Variants in MIA3 observed in about 807,000 individuals in gnomAD.
The protein encoded by MIA3 is MIA SH3 domain ER export factor 3.
In MIA3, 90 loss-of-function variants were observed where a neutral mutation model predicts 192.4. The ratio of observed to expected loss-of-function variants is 0.47; its 90% CI spans 0.39 to 0.56. MIA3 has a LOEUF of 0.56. Among genes scored for constraint, MIA3 ranks in the 20% least tolerant of loss-of-function variants. The pLI is 0.00. For missense variants in MIA3, 2,123 were observed against 2,269.4 expected, an observed-to-expected ratio of 0.94 and a Z score of 1.31; for synonymous variants, 740 against 792.8, an observed-to-expected ratio of 0.93 and a Z score of 1.12.
chr1:222,653,154 C>T lies in MIA3; in HGVS notation c.4209+24C>T, dbSNP rs564053402. On this transcript the variant is annotated intron_variant, in intron 14 of 27. Transcript: ENST00000344922. ...ATGTAAGTGCGTTCATGAATACAAGCTTAATTCTTGTGAATTATCAAATCT... is the reference window on the plus strand; with the variant it reads ...ATGTAAGTGCGTTCATGAATACAAGTTTAATTCTTGTGAATTATCAAATCT... 2.3e-4 allele frequency: 372 copies of T among 1,597,100 alleles called. 4 individuals are homozygous for T. In the South Asian group the frequency reaches 3.2e-3, roughly 14 times the overall value.
Position 222,632,284 on chromosome 1 carries a change from G to C in MIA3, c.3289G>C (p.Glu1097Gln). ...QRVIGDTHASEVSQKPNTEKD... is the reference protein window; with the variant it reads ...QRVIGDTHASQVSQKPNTEKD... ...TGTGATTGGGGACACTCATGCCTCA[G>C]AAGTGTCACAGAAGCCAAATACTGA... is the stretch of plus-strand genomic sequence containing the variant. Residue 1097 changes from glutamate (E) to glutamine (Q), a missense_variant, in exon 5 of 28, where the codon GAA (glutamate) becomes CAA (glutamine). Glu to Gln is a conservative substitution (Grantham distance 29). Coordinates refer to ENST00000344922, the MANE Select transcript of MIA3 (RefSeq NM_198551.4). 6.2e-7 allele frequency: 1 copy of C among 1,614,160 alleles called. No homozygotes were observed. Among genetic ancestry groups the C allele is most frequent in the South Asian group, 1.1e-5 (1 of 91,072 alleles).
At position 222,665,028 on chromosome 1, in the gene MIA3, A is replaced by G. The variant is rs1341735089; in HGVS notation, c.5414-281A>G. 7 of 422,592 alleles carry G rather than the reference A, an allele frequency of 1.7e-5. No individual in the cohort carries two copies. The Admixed American group carries it at 2.2e-4, about 13-fold the overall frequency. The allele number at this position is 422,592 out of a possible 1,614,324, so 26.2% of individuals were successfully genotyped here. On this transcript the variant is annotated intron_variant, in intron 27 of 27. Transcript: ENST00000344922. ...GCCTGGGCAACATGGTGAAACCCCC[A>G]TCTCTACAAAAAATCCAAAAATTAG...
At chr1:222,625,304 C>G (rs996756498) in intron 3 of MIA3, among the ~76,000 whole-genome samples, 5 of 152,250 alleles carry the variant, frequency 3.3e-5, no homozygotes, top group African/African-American at 7.2e-5. Flanking sequence ...TGCGCCCGGC[C>G]AAGGCCGTGT....
Position 222,627,758 on chromosome 1 carries a change from G to A in MIA3, c.538G>A (p.Glu180Lys), listed in dbSNP as rs1380824612. Residue 180 changes from glutamate (E) to lysine (K), a missense_variant, in exon 4 of 28, where the codon GAA becomes AAA. Around this residue, in one of 3 missense-constraint regions of MIA3, gnomAD observed 1,357 missense variants for 1,396.1 expected, o/e 0.97. Transcript: ENST00000344922. ...ATCTAAGGAAAGGGAACCTGAACCT[G>A]AACCAGTAGAAGCCAACTCAGAGGA... is the stretch of plus-strand genomic sequence containing the variant. ...ELSKEREPEP[E>K]PVEANSEESD... 6.2e-7 allele frequency: 1 copy of A among 1,612,782 alleles called. No homozygotes were observed. Among genetic ancestry groups the A allele is most frequent in the African/African-American group, 1.3e-5 (1 of 74,768 alleles).
chr1:222,662,329 C>T lies in MIA3; in HGVS notation c.5259C>T (p.Gly1753=). 6.2e-7 allele frequency: 1 copy of T among 1,613,126 alleles called. No individual in the cohort carries two copies. The highest frequency in any genetic ancestry group is 8.5e-7 in the Non-Finnish European group (1 of 1,179,102). The change falls in exon 26 of 28, where the codon GGC becomes GGT. Residue 1753 remains glycine (G), a synonymous_variant. Transcript: ENST00000344922. Reference sequence around the variant, plus strand: ...CCCCTACCAGGGTACTCGATGAAGGCAAGGTAAATGCACCCATTTTGAATA... The same window carrying T: ...CCCCTACCAGGGTACTCGATGAAGGTAAGGTAAATGCACCCATTTTGAATA... ...GSSPTRVLDE[G]KVNMAPKGPP...
intron 3 of MIA3, 67 bp from the exon 4 acceptor site, chr1:222,627,508 C>A: frequency 7.8e-7 from 1 of 1,281,132 alleles, no homozygotes; most frequent in Non-Finnish European, 1.1e-6. Context: ...CAATCATTAA[C>A]GTGGATAAGA....
At chr1:222,658,943 A>G (rs1435273851) in intron 19 of MIA3, 120 bp downstream of exon 19, 3 of 646,602 alleles carry the variant, frequency 4.6e-6, no homozygotes, top group Non-Finnish European at 5.3e-6. Context: ...CACACAAAAG[A>G]AAAACTAAAT....
rs1044469972 is a variant in MIA3 at position 222,659,474 on chromosome 1, G to A, written c.4731G>A (p.Glu1577=). 2 of 1,613,870 alleles carry A rather than the reference G, an allele frequency of 1.2e-6. No individual in the cohort carries two copies. The highest frequency in any genetic ancestry group is 1.7e-6 in the Non-Finnish European group (2 of 1,179,856). Residue 1577 remains glutamate, a synonymous_variant, in exon 20 of 28, where the codon GAG becomes GAA. Transcript: ENST00000344922. ...TTAGGCGGAGAATTGAAGAAATGGAGGATGAATTACAGAAGACAGAGCGGT... is the reference window on the plus strand; with the variant it reads ...TTAGGCGGAGAATTGAAGAAATGGAAGATGAATTACAGAAGACAGAGCGGT... The part of the protein sequence containing the change: ...KTYKRRIEEM[E]DELQKTERSF...
At chr1:222,638,745 A>G (rs1335107627) in intron 6 of MIA3, among the ~76,000 whole-genome samples, 1 of 152,140 alleles carries the variant, frequency 6.6e-6, no homozygotes, top group Non-Finnish European at 1.5e-5. Flanking sequence ...AAATATATCA[A>G]GTGTGTACAA....
At chr1:222,638,529 C>A (rs1361639474) in intron 6 of MIA3, among the ~76,000 whole-genome samples, 2 of 146,088 alleles carry the variant, frequency 1.4e-5, no homozygotes, top group African/African-American at 5.1e-5. Flanking sequence ...TTCTACAAAA[C>A]ACACACACAC....
chr1:222,628,907 G>A lies in MIA3; in HGVS notation c.1687G>A (p.Ala563Thr). The A allele has an allele frequency of 6.2e-7, 1 of 1,614,174 alleles. No individual in the cohort carries two copies. The highest frequency in any genetic ancestry group is 1.1e-5 in the South Asian group (1 of 91,074). ...AGAGAGTGAATCTGCACAGAAAGCT[G>A]CAGGGAATCAAATGAATGACAGAAA... Reference protein sequence around the residue: ...GSESESAQKAAGNQMNDRKIQ... With the variant: ...GSESESAQKATGNQMNDRKIQ... The change falls in exon 4 of 28, where the codon GCA (alanine) becomes ACA (threonine). Residue 563 changes from alanine to threonine, a missense_variant. Physicochemically the swap from Ala to Thr is moderately conservative, Grantham distance 58. This residue lies in a region of MIA3 where 1,357 missense variants were observed against 1,396.1 expected (regional missense o/e 0.97). Transcript: ENST00000344922.
intron 1 of MIA3, among the ~76,000 whole-genome samples, chr1:222,619,614 G>A (rs1425409735): frequency 6.6e-6 from 1 of 152,090 alleles, no homozygotes; most frequent in Non-Finnish European, 1.5e-5. Context: ...CCCATTTGCC[G>A]TTGGCAATGG....
intron 24 of MIA3, among the ~76,000 whole-genome samples, chr1:222,661,666 T>G (rs1185185910): frequency 6.6e-6 from 1 of 152,218 alleles, no homozygotes; most frequent in Non-Finnish European, 1.5e-5. Context: ...GCGGCATACA[T>G]GTTTCCACTT....
chr1:222,629,083 A>G lies in MIA3; in HGVS notation c.1863A>G (p.Glu621=). The G allele has an allele frequency of 6.2e-7, 1 of 1,614,262 alleles. No homozygotes were observed. Among genetic ancestry groups the G allele is most frequent in the African/African-American group, 1.3e-5 (1 of 75,072 alleles). Residue 621 remains glutamate, a synonymous_variant, in exon 4 of 28, where the codon GAA becomes GAG. Transcript: ENST00000344922. ...ATCAACGTGAGGAATTGAAAGAGGA[A>G]TTAGTTCTTAAAACTCAAAACCAAC... ...VEHQREELKE[E]LVLKTQNQPR...
chr1:222,659,606 G>A lies in MIA3; in HGVS notation c.4771-16G>A, dbSNP rs193036326. 9.2e-5 allele frequency: 148 copies of A among 1,613,738 alleles called. No homozygotes were observed. The African/African-American group carries it at 1.8e-3, about 20-fold the overall frequency. ...TGAATCTGTATGCATATTTTGTGAT[G>A]TATTATCTTTTTCAGATCGCTACCC... On this transcript the variant is annotated splice_polypyrimidine_tract_variant and intron_variant, in intron 20 of 27. Transcript: ENST00000344922.
intron 18 of MIA3, among the ~76,000 whole-genome samples, chr1:222,657,367 A>G: frequency 6.6e-6 from 1 of 152,136 alleles, no homozygotes; most frequent in East Asian, 1.9e-4. Context: ...CTCTCAACCC[A>G]GGGATCTGTT....
At chr1:222,643,401 T>C (rs1397101447) in intron 6 of MIA3, among the ~76,000 whole-genome samples, 1 of 152,196 alleles carries the variant, frequency 6.6e-6, no homozygotes, top group African/African-American at 2.4e-5. Context: ...AGTACCATAC[T>C]GTTATTACAG....
intron 6 of MIA3, chr1:222,644,532 ACTTGTGGGACC>A (rs1558186178): frequency 6.4e-6 from 10 of 1,550,484 alleles, no homozygotes; most frequent in Non-Finnish European, 8.7e-6. Context: ...GGGACCCGGA[ACTTGTGGGACC>A]CTTGTCTGTG....
At chr1:222,618,298 C>T in intron 1 of MIA3, 55 bp downstream of exon 1, 3 of 1,316,418 alleles carry the variant, frequency 2.3e-6, no homozygotes, top group Non-Finnish European at 2.9e-6. Context: ...GGGGTCTCCG[C>T]CGGCCCCGGG....
Sources: allele counts gnomAD v4.1 joint callset (sites outside exome capture counted in the v4.1 genomes callset), GRCh38; gene constraint gnomAD v4.1.1; regional missense constraint gnomAD v4.1.1; transcripts MANE v1.5; gene names NCBI Gene and HGNC (gene_info 2026-07-23, HGNC 2026-07-21).